The following ZNF324B variants were observed in gnomAD, a reference collection of about 807,000 sequenced individuals.
ZNF324B encodes zinc finger protein 324B.
Under a neutral mutation model 10.6 loss-of-function variants are expected in ZNF324B, and 7 were observed. The observed-to-expected ratio is 0.66, with a 90% CI of 0.38 to 1.24. ZNF324B has a LOEUF of 1.24. Among genes scored for constraint, ZNF324B ranks in the 50% most tolerant of loss-of-function variants. The probability of loss-of-function intolerance (pLI) is 0.02; values close to 1 mark genes in which losing one functional copy is unlikely to be tolerated. For missense variants in ZNF324B, 640 were observed against 764.7 expected (o/e 0.84, Z 1.92); for synonymous variants, 316 against 321.0 (o/e 0.98, Z 0.17).
At chr19:58,439,646 G>A in the ZNF324B span, 3 of 1,192,344 alleles carry the variant, frequency 2.5e-6, no homozygotes, top group Non-Finnish European at 3.4e-6. Context: ...ACCCACGTGT[G>A]AGGACAGGAC....
the ZNF324B span, chr19:58,432,312 C>A: frequency 1.9e-6 from 1 of 518,018 alleles, no homozygotes; most frequent in Non-Finnish European, 3.9e-6. Context: ...TTAACTGTGG[C>A]AAAAACTTTA....
chr19:58,446,821 C>T (rs1410478356), upstream of ZNF324B, among the ~76,000 whole-genome samples: 1 of 152,002 alleles, frequency 6.6e-6, no homozygotes, highest in Non-Finnish European at 1.5e-5. Context: ...GTGATCCCCC[C>T]ACCTCGGCCT....
At chr19:58,425,693 A>G in the ZNF324B span, among the ~76,000 whole-genome samples, 117 of 150,934 alleles carry the variant, frequency 7.8e-4, no homozygotes, top group African/African-American at 2.7e-3. Context: ...CTGGTCTCAA[A>G]CTCCCAACCT....
At chr19:58,433,829 C>G in the ZNF324B span, 1 of 1,614,184 alleles carries the variant, frequency 6.2e-7, no homozygotes, top group Non-Finnish European at 8.5e-7. Flanking sequence ...GGCTTTTCTC[C>G]AGTGTGAATT....
At chr19:58,430,857 C>T in the ZNF324B span, 10 of 152,186 alleles carry the variant, frequency 6.6e-5, no homozygotes, top group Middle Eastern at 3.2e-3. Context: ...ATGGCCTGCC[C>T]GGTGTTATCT....
the ZNF324B span, chr19:58,440,197 C>T: frequency 3.3e-6 from 1 of 300,360 alleles, no homozygotes; most frequent in African/African-American, 2.3e-5. Flanking sequence ...CTCGGACTTG[C>T]CACTGGTCCG....
At chr19:58,421,714 A>C in the ZNF324B span, among the ~76,000 whole-genome samples, 1 of 152,160 alleles carries the variant, frequency 6.6e-6, no homozygotes, top group Non-Finnish European at 1.5e-5. Flanking sequence ...AAGAGCATAA[A>C]ATTATGAAAT....
chr19:58,433,893 G>T, the ZNF324B span: 1 of 1,614,192 alleles, frequency 6.2e-7, no homozygotes. Context: ...TACATTCGCT[G>T]CACTCATAAG....
At chr19:58,431,727 C>T in the ZNF324B span, among the ~76,000 whole-genome samples, 1 of 152,164 alleles carries the variant, frequency 6.6e-6, no homozygotes, top group Non-Finnish European at 1.5e-5. Context: ...TGCGGTGGCT[C>T]ATGCATGTAA....
rs748705542 is a variant in ZNF324B at position 58,455,354 on chromosome 19, C to T, written c.410C>T (p.Thr137Met). The change falls in exon 4 of 4, where the codon ACG (threonine) becomes ATG (methionine). Residue 137 changes from threonine to methionine, a missense_variant. By Grantham distance (81) the Thr-to-Met change is moderately conservative. This residue lies in a region of ZNF324B where 345 missense variants were observed against 387.9 expected (regional missense o/e 0.89). Transcript: ENST00000336614. This position sits in a 1 kb window ranked among gnomAD's most constrained non-coding sequence, Gnocchi z 7.0. ...TCCCCATCTCAGGAGAGAAAACCCA[C>T]GGGGGTGTCGGTGATCTACTGGGAG... is the stretch of plus-strand genomic sequence containing the variant. ...GASPSQERKP[T>M]GVSVIYWERL... is the part of the protein sequence containing the mutation. 1.9e-5 allele frequency: 30 copies of T among 1,614,080 alleles called. No homozygotes were observed. The highest frequency in any genetic ancestry group is 3.3e-5 in the South Asian group (3 of 91,092).
rs2052904012 is a variant in ZNF324B at position 58,455,313 on chromosome 19, G to T, written c.369G>T (p.Gln123His). Residue 123 changes from glutamine to histidine, a missense_variant, in exon 4 of 4, where the codon CAG becomes CAT. Coordinates refer to ENST00000336614, the MANE Select transcript of ZNF324B (RefSeq NM_207395.3). This position sits in a 1 kb window ranked among gnomAD's most constrained non-coding sequence, Gnocchi z 7.0. ...CCTGCCACAGTGTAAAAAGCCTGCA[G>T]CGACAACCGGGTGCCTCCCCATCTC... ...ADACHSVKSLQRQPGASPSQE... is the reference protein window; with the variant it reads ...ADACHSVKSLHRQPGASPSQE... 1 of 1,614,132 alleles carries T rather than the reference G, an allele frequency of 6.2e-7. No homozygotes were observed. Among genetic ancestry groups the T allele is most frequent in the Non-Finnish European group, 8.5e-7 (1 of 1,180,042 alleles).
rs777633737 is a variant in ZNF324B, at chr19:58,456,415, C to T, written c.1471C>T (p.Arg491Cys). ...GTGCACGCAGTGTGGCCGCGCCTTCCGTGAGCGCCCTGCCCTCTTGCACCA... is the reference window on the plus strand; with the variant it reads ...GTGCACGCAGTGTGGCCGCGCCTTCTGTGAGCGCCCTGCCCTCTTGCACCA... ...FVCTQCGRAFRERPALLHHQR... is the reference protein window; with the variant it reads ...FVCTQCGRAFCERPALLHHQR... The change falls in exon 4 of 4, where the codon CGT (arginine) becomes TGT (cysteine). Residue 491 changes from arginine (R) to cysteine (C), a missense_variant. Coordinates refer to ENST00000336614, the MANE Select transcript of ZNF324B (RefSeq NM_207395.3). This position sits in a 1 kb window ranked among gnomAD's most constrained non-coding sequence, Gnocchi z 4.7. The T allele has an allele frequency of 4.0e-5, 64 of 1,613,324 alleles. No individual in the cohort carries two copies. The highest frequency in any genetic ancestry group is 3.8e-4 in the Admixed American group (23 of 60,008).
At chr19:58,427,334 T>C in the ZNF324B span, among the ~76,000 whole-genome samples, 1 of 96,942 alleles carries the variant, frequency 1.0e-5, no homozygotes, top group South Asian at 3.1e-4. Flanking sequence ...TTTCTTTCTT[T>C]CTTTCTTTCT....
chr19:58,454,237 C>T lies in ZNF324B; in HGVS notation c.131C>T (p.Thr44Ile), dbSNP rs781570989. The T allele has an allele frequency of 1.8e-4, 292 of 1,613,496 alleles. No homozygotes were observed. The highest frequency in any genetic ancestry group is 2.4e-4 in the Non-Finnish European group (283 of 1,179,568). ...FTLVTSLGLS[T>I]SRPRVVIQLE... ...CTGCTCCTCCTCACAGGACTCTCTACCTCCCGACCTCGTGTGGTCATTCAA... is the reference window on the plus strand; with the variant it reads ...CTGCTCCTCCTCACAGGACTCTCTATCTCCCGACCTCGTGTGGTCATTCAA... The change falls in exon 3 of 4, where the codon ACC becomes ATC. Residue 44 changes from threonine (T) to isoleucine (I), a missense_variant. Around this residue, in one of 3 missense-constraint regions of ZNF324B, gnomAD observed 345 missense variants for 387.9 expected, o/e 0.89. Coordinates refer to ENST00000336614, the MANE Select transcript of ZNF324B (RefSeq NM_207395.3).
chr19:58,450,464 CAAAAA>C (rs35336344), upstream of ZNF324B, among the ~76,000 whole-genome samples: 1 of 104,878 alleles, frequency 9.5e-6, no homozygotes, highest in Non-Finnish European at 1.9e-5. Flanking sequence ...GACCCTGTCT[CAAAAA>C]AAAAAAAAAA....
the ZNF324B span, chr19:58,436,168 C>CA: frequency 6.5e-6 from 1 of 153,554 alleles, no homozygotes; most frequent in African/African-American, 2.4e-5. Flanking sequence ...TGCCTAGGAC[C>CA]GGGGGGAAAG....
the ZNF324B span, chr19:58,437,667 C>T: frequency 1.0e-6 from 1 of 970,634 alleles, no homozygotes; most frequent in African/African-American, 1.8e-5. Flanking sequence ...ATATTTCCAA[C>T]CCCTCCCTGT....
intron 2 of ZNF324B, 126 bp downstream of exon 2, chr19:58,453,948 G>A (rs895235213): frequency 3.0e-5 from 42 of 1,407,630 alleles, no homozygotes; most frequent in Non-Finnish European, 3.8e-5. Flanking sequence ...GTCTGGTCCT[G>A]TAGACACAAA....
At chr19:58,445,202 C>G in the ZNF324B span, 1 of 296,718 alleles carries the variant, frequency 3.4e-6, no homozygotes, top group Non-Finnish European at 6.5e-6. Flanking sequence ...AAATATGAAA[C>G]CTCATCCTGC....
Sources: allele counts gnomAD v4.1 joint callset (sites outside exome capture counted in the v4.1 genomes callset), GRCh38; gene constraint gnomAD v4.1.1; regional missense constraint gnomAD v4.1.1; non-coding constraint Gnocchi (gnomAD v3.1); transcripts MANE v1.5; gene names NCBI Gene and HGNC (gene_info 2026-07-23, HGNC 2026-07-21).